The following TOX variants were observed in gnomAD, a reference collection of about 807,000 sequenced individuals.
TOX encodes the protein thymocyte selection-associated high mobility group box protein TOX.
In TOX, 11 loss-of-function variants were observed where a neutral mutation model predicts 53.7. The observed-to-expected ratio is 0.20, with a 90% CI of 0.13 to 0.34. The LOEUF is 0.34. Ranked by LOEUF, TOX falls within the 10% of genes least tolerant of loss-of-function variation. The pLI is 1.00. For synonymous variants in TOX, 225 were observed against 245.3 expected (o/e 0.92, Z 0.77); for missense variants, 570 against 664.6 (o/e 0.86, Z 1.56).
intron 3 of TOX, among the ~76,000 whole-genome samples, chr8:58,873,689 G>T (rs1356548021): frequency 2.0e-5 from 3 of 151,980 alleles, no homozygotes; most frequent in Non-Finnish European, 4.4e-5. Flanking sequence ...CCTCCCTAAG[G>T]GCTTATTGTG....
intron 2 of TOX, among the ~76,000 whole-genome samples, chr8:58,957,760 A>AT (rs1344327519): frequency 3.3e-5 from 5 of 152,220 alleles, no homozygotes; most frequent in African/African-American, 1.2e-4. Flanking sequence ...GTTGTCTTGG[A>AT]TTACTAAACT....
chr8:59,067,474 G>C (rs950011651), intron 1 of TOX, among the ~76,000 whole-genome samples: 1 of 152,014 alleles, frequency 6.6e-6, no homozygotes, highest in Non-Finnish European at 1.5e-5. Flanking sequence ...GAAATCGCTT[G>C]AACCCAGGAG....
chr8:59,009,422 G>A lies in TOX; in HGVS notation c.103-49414C>T, dbSNP rs557939037. On this transcript the variant is annotated intron_variant, in intron 1 of 8. Coordinates refer to ENST00000361421, the MANE Select transcript of TOX (RefSeq NM_014729.3). ...GAGTCTCACTCTATCACCCAGGCTG[G>A]AGTGCAGTGGTGCCATCTCGGCTCA... 8.6e-5 allele frequency among the ~76,000 whole-genome samples: 13 copies of A among 151,078 alleles called. No individual in the cohort carries two copies. In the South Asian group the frequency reaches 2.5e-3, roughly 29 times the overall value.
intron 3 of TOX, among the ~76,000 whole-genome samples, chr8:58,874,942 A>T (rs1261883898): frequency 1.3e-5 from 2 of 152,206 alleles, no homozygotes; most frequent in African/African-American, 4.8e-5. Flanking sequence ...AAAGTTCACA[A>T]ATTTGTGTGG....
intron 1 of TOX, chr8:58,991,750 G>A (rs1464827983): frequency 6.6e-6 from 1 of 152,190 alleles, no homozygotes. Context: ...TTTATTTTGC[G>A]AAGGGGTCTT....
rs1809967418 is a variant in TOX, at chr8:58,805,997, A to T, written c.*1750T>A. On this transcript the variant is annotated 3_prime_UTR_variant, in exon 9 of 9. Coordinates refer to ENST00000361421, the MANE Select transcript of TOX (RefSeq NM_014729.3). The stretch of plus-strand genomic sequence containing the variant: ...TTATTTCACATATTCCAAGAAAGAG[A>T]CATCAGCCATTCTCTTGGTTTCCAA... The T allele has an allele frequency of 1.3e-5, 2 of 152,680 alleles. No homozygotes were observed. Among genetic ancestry groups the T allele is most frequent in the African/African-American group, 4.8e-5 (2 of 41,472 alleles). The allele number at this position is 152,680 out of a possible 1,614,324, so 9.5% of individuals were successfully genotyped here.
At chr8:59,092,630 C>T (rs988627233) in intron 1 of TOX, among the ~76,000 whole-genome samples, 1 of 152,006 alleles carries the variant, frequency 6.6e-6, no homozygotes, top group Non-Finnish European at 1.5e-5. Context: ...ACCCTTCACT[C>T]TCATCCTGTG....
chr8:58,906,560 G>C (rs1489096227), intron 3 of TOX, among the ~76,000 whole-genome samples: 1 of 152,058 alleles, frequency 6.6e-6, no homozygotes, highest in Non-Finnish European at 1.5e-5. Flanking sequence ...TTTACAGTTT[G>C]GTTTTTTAAA....
intron 1 of TOX, among the ~76,000 whole-genome samples, chr8:59,032,789 C>T (rs1814382377): frequency 6.6e-6 from 1 of 152,072 alleles, no homozygotes; most frequent in South Asian, 2.1e-4. Context: ...CTCTTGAGGC[C>T]AGATCTCTTG....
At chr8:58,816,751 T>G (rs1210297104) in intron 6 of TOX, among the ~76,000 whole-genome samples, 3 of 152,190 alleles carry the variant, frequency 2.0e-5, no homozygotes, top group Non-Finnish European at 4.4e-5. Flanking sequence ...AGTTTCTTAC[T>G]ACTTTCCACA....
intron 1 of TOX, among the ~76,000 whole-genome samples, chr8:59,045,614 C>G (rs1803668101): frequency 6.6e-6 from 1 of 152,200 alleles, no homozygotes; most frequent in African/African-American, 2.4e-5. Flanking sequence ...CCTCAAACAT[C>G]TCTCAAGTTA....
chr8:59,094,462 A>G (rs1256724398), intron 1 of TOX, among the ~76,000 whole-genome samples: 3 of 152,078 alleles, frequency 2.0e-5, no homozygotes, highest in African/African-American at 7.2e-5. Flanking sequence ...ACGTAGTGAA[A>G]CCCTGTCTCC....
intron 1 of TOX, among the ~76,000 whole-genome samples, chr8:59,014,564 A>G (rs1377142878): frequency 6.6e-6 from 1 of 152,240 alleles, no homozygotes; most frequent in African/African-American, 2.4e-5. Context: ...CTACTGTTAT[A>G]TCAAAACTTG....
At chr8:58,994,434 G>A (rs1372234356) in intron 1 of TOX, among the ~76,000 whole-genome samples, 3 of 151,708 alleles carry the variant, frequency 2.0e-5, no homozygotes, top group African/African-American at 7.3e-5. Flanking sequence ...GCGCGCATGT[G>A]TGTGTATTTT....
intron 1 of TOX, 83 bp from the exon 2 acceptor site, chr8:58,960,091 C>G: frequency 6.8e-7 from 1 of 1,470,548 alleles, no homozygotes; most frequent in Non-Finnish European, 9.4e-7. Context: ...TGTTTTTTAA[C>G]CATCAAACTG....
intron 1 of TOX, among the ~76,000 whole-genome samples, chr8:59,110,216 C>T (rs1804988698): frequency 6.6e-6 from 1 of 152,172 alleles, no homozygotes; most frequent in Non-Finnish European, 1.5e-5. Context: ...TAAGCTTCTA[C>T]TATCTGCAGG....
intron 3 of TOX, among the ~76,000 whole-genome samples, chr8:58,883,720 C>T (rs1047562938): frequency 1.6e-4 from 24 of 151,324 alleles, no homozygotes; most frequent in Admixed American, 4.6e-4. Context: ...ATTGTTCATT[C>T]GTATGTTTTT....
In TOX at chr8:59,100,618, T is replaced by C. The variant is rs570948581; in HGVS notation, c.102+18268A>G. 5.9e-5 allele frequency among the ~76,000 whole-genome samples: 9 copies of C among 152,344 alleles called. No homozygotes were observed. In the South Asian group the frequency reaches 1.2e-3, roughly 21 times the overall value. On this transcript the variant is annotated intron_variant, in intron 1 of 8. Coordinates refer to ENST00000361421, the MANE Select transcript of TOX (RefSeq NM_014729.3). ...ATTATTTTGTAAGCAATTTCTGCAA[T>C]GACTCTCACAGAATAAGTAGAATTT...
At chr8:58,863,289 C>G (rs1811040936) in intron 3 of TOX, among the ~76,000 whole-genome samples, 1 of 152,158 alleles carries the variant, frequency 6.6e-6, no homozygotes, top group Non-Finnish European at 1.5e-5. Context: ...ATATCAGTTT[C>G]CTCAAATGCC....
Sources: gnomAD v4.1 joint callset for allele counts (sites outside exome capture counted in the v4.1 genomes callset) on GRCh38, gnomAD v4.1.1 for gene constraint, MANE v1.5 for transcripts, NCBI Gene and HGNC (gene_info 2026-07-23, HGNC 2026-07-21) for gene names.